The following ARID1B variants were observed in gnomAD, a reference collection of about 807,000 sequenced individuals.
ARID1B encodes the protein AT-rich interactive domain-containing protein 1B.
In ARID1B, 30 loss-of-function variants were observed where a neutral mutation model predicts 212.3. The ratio of observed to expected loss-of-function variants is 0.14; its 90% confidence interval spans 0.11 to 0.19. The LOEUF (loss-of-function observed/expected upper bound fraction) is 0.19, where lower values mean the gene tolerates loss of function less well. Among genes scored for constraint, ARID1B ranks in the 10% least tolerant of loss-of-function variants. ARID1B has a pLI of 1.00. For missense variants in ARID1B, 2,891 were observed against 3,204.0 expected (o/e 0.90, Z 2.36); for synonymous variants, 1,402 against 1,301.7 (o/e 1.08, Z -1.66).
intron 4 of ARID1B, among the ~76,000 whole-genome samples, chr6:156,957,921 G>T (rs1017454945): frequency 6.6e-6 from 1 of 152,140 alleles, no homozygotes; most frequent in Non-Finnish European, 1.5e-5. Context: ...TTCTGCTAGG[G>T]AATCTGTTAT....
intron 4 of ARID1B, among the ~76,000 whole-genome samples, chr6:157,063,833 C>T (rs1783506280): frequency 6.6e-6 from 1 of 152,100 alleles, no homozygotes; most frequent in Non-Finnish European, 1.5e-5. Context: ...GTCTTTAAGA[C>T]CAAGATCTGG....
chr6:156,802,074 G>T (rs567276039), intron 1 of ARID1B, among the ~76,000 whole-genome samples: 1 of 152,228 alleles, frequency 6.6e-6, no homozygotes, highest in Non-Finnish European at 1.5e-5. Flanking sequence ...GCAGATAAAT[G>T]TGTAAACGGC....
At chr6:156,888,068 TGTCCCA>T (rs1787657386) in intron 2 of ARID1B, among the ~76,000 whole-genome samples, 2 of 152,236 alleles carry the variant, frequency 1.3e-5, no homozygotes, top group African/African-American at 4.8e-5. Flanking sequence ...TCACTGCACA[TGTCCCA>T]GTCATGCGGT....
At chr6:157,021,835 C>T (rs2128476069) in intron 4 of ARID1B, among the ~76,000 whole-genome samples, 1 of 152,170 alleles carries the variant, frequency 6.6e-6, no homozygotes, top group East Asian at 1.9e-4. Context: ...GCCGGCGCGG[C>T]CAGACTCACG....
At position 156,843,585 on chromosome 6, in the gene ARID1B, G is replaced by A. The variant is rs535635603; in HGVS notation, c.1986+14164G>A. Among the ~76,000 whole-genome samples, 126 of 152,090 alleles carry A rather than the reference G, an allele frequency of 8.3e-4. 1 individual carries two copies. Among genetic ancestry groups the A allele is most frequent in the Non-Finnish European group, 1.5e-3 (105 of 68,034 alleles). Reference sequence around the variant, plus strand: ...GAGGGGCACACCTGGGCTGGGATAAGGACAGGAATGTAGGGGGGGTGTTAG... The same window carrying A: ...GAGGGGCACACCTGGGCTGGGATAAAGACAGGAATGTAGGGGGGGTGTTAG... On this transcript the variant is annotated intron_variant, in intron 2 of 19. Transcript: ENST00000636930.
At chr6:157,114,106 C>T (rs1027800833) in intron 6 of ARID1B, among the ~76,000 whole-genome samples, 1 of 152,130 alleles carries the variant, frequency 6.6e-6, no homozygotes, top group African/African-American at 2.4e-5. Flanking sequence ...ATTCATTCCC[C>T]CATATTGGAA....
intron 4 of ARID1B, among the ~76,000 whole-genome samples, chr6:156,978,038 C>T (rs1396631911): frequency 6.6e-6 from 1 of 152,214 alleles, no homozygotes; most frequent in African/African-American, 2.4e-5. Context: ...TTGGGTGCTT[C>T]TTTCCCCATC....
At position 157,116,713 on chromosome 6, in the gene ARID1B, C is replaced by G. The variant is rs747476400; in HGVS notation, c.2581+6152C>G. ...TGGCACCATTGTGTGGCCATCAGAT[C>G]GGTGCTGAAAGCATCTTAGGTGAAA... On this transcript the variant is annotated intron_variant, in intron 6 of 19. Coordinates refer to ENST00000636930, the MANE Select transcript of ARID1B (RefSeq NM_001374828.1). Among the ~76,000 whole-genome samples, 59 of 151,908 alleles carry G rather than the reference C, an allele frequency of 3.9e-4. No individual in the cohort carries two copies. The Middle Eastern group carries it at 0.014, about 35-fold the overall frequency.
chr6:156,907,332 C>G (rs1789482730), intron 3 of ARID1B, among the ~76,000 whole-genome samples: 1 of 152,000 alleles, frequency 6.6e-6, no homozygotes, highest in South Asian at 2.1e-4. Flanking sequence ...ATTTTATCTT[C>G]CGTCTTTTTT....
At chr6:156,846,337 T>G (rs2128098441) in intron 2 of ARID1B, among the ~76,000 whole-genome samples, 1 of 151,756 alleles carries the variant, frequency 6.6e-6, no homozygotes, top group Admixed American at 6.6e-5. Context: ...TTTTTTTTTT[T>G]TGTATTTTTA....
Position 156,778,457 on chromosome 6 carries a change from G to C in ARID1B, c.777G>C (p.Pro259=). The C allele has an allele frequency of 1.4e-6, 2 of 1,394,368 alleles. No homozygotes were observed. The highest frequency in any genetic ancestry group is 1.8e-6 in the Non-Finnish European group (2 of 1,083,264). 86.4% of individuals were successfully genotyped at this position (1,394,368 alleles called of 1,614,324 possible). A position where few individuals can be genotyped will look rare whatever the true frequency, so the allele number is the denominator to read the frequency against. Residue 259 remains proline (P), a synonymous_variant, in exon 1 of 20, where the codon CCG becomes CCC. Transcript: ENST00000636930. ...GCGGCCAGGCCGACCCCCCGGGCCC[G>C]CCGCTGCTGAGCAAGCCGGGCGACG... ...AAGGQADPPG[P]PLLSKPGDED... is the part of the protein sequence containing the mutation.
chr6:156,841,035 A>C (rs1185707807), intron 2 of ARID1B, among the ~76,000 whole-genome samples: 1 of 152,238 alleles, frequency 6.6e-6, no homozygotes, highest in East Asian at 1.9e-4. Context: ...GATGCCGTAC[A>C]TACAAAACAG....
chr6:156,916,114 T>G (rs186370143), intron 3 of ARID1B, among the ~76,000 whole-genome samples: 15 of 152,296 alleles, frequency 9.8e-5, no homozygotes, highest in Admixed American at 4.6e-4. Flanking sequence ...AGGATGGATC[T>G]AGGTGATGTG....
intron 2 of ARID1B, among the ~76,000 whole-genome samples, chr6:156,875,143 CA>C (rs1324836993): frequency 6.6e-6 from 1 of 152,146 alleles, no homozygotes; most frequent in Non-Finnish European, 1.5e-5. Context: ...GGCTGATGGC[CA>C]TTCATTTATT....
intron 8 of ARID1B, among the ~76,000 whole-genome samples, chr6:157,154,400 A>G (rs910222947): frequency 6.6e-5 from 10 of 152,102 alleles, no homozygotes; most frequent in Non-Finnish European, 1.3e-4. Context: ...CAGAGTTTCA[A>G]TTATAGAATG....
intron 4 of ARID1B, among the ~76,000 whole-genome samples, chr6:157,069,785 TGGA>T (rs1475776436): frequency 6.6e-6 from 1 of 152,208 alleles, no homozygotes; most frequent in African/African-American, 2.4e-5. Flanking sequence ...TGCAAGCTAG[TGGA>T]AAGGAATCCC....
intron 6 of ARID1B, among the ~76,000 whole-genome samples, chr6:157,121,632 T>TC (rs1787723666): frequency 7.0e-6 from 1 of 143,504 alleles, no homozygotes; most frequent in African/African-American, 2.7e-5. Flanking sequence ...TATATAGCTT[T>TC]TTTTTTTTTT....
At chr6:156,945,066 GCA>G (rs1469593435) in intron 4 of ARID1B, among the ~76,000 whole-genome samples, 5 of 149,030 alleles carry the variant, frequency 3.4e-5, no homozygotes, top group African/African-American at 9.8e-5. Flanking sequence ...GGGACTACAG[GCA>G]CTTGCCACCA....
chr6:157,182,251 T>C (rs1376507605), intron 12 of ARID1B, among the ~76,000 whole-genome samples: 1 of 152,122 alleles, frequency 6.6e-6, no homozygotes, highest in Non-Finnish European at 1.5e-5. Flanking sequence ...CCTGTCTCAA[T>C]AAAAAATAAT....
Sources: allele counts gnomAD v4.1 joint callset (sites outside exome capture counted in the v4.1 genomes callset), GRCh38; gene constraint gnomAD v4.1.1; transcripts MANE v1.5; gene names NCBI Gene and HGNC (gene_info 2026-07-23, HGNC 2026-07-21).